The following GPHN variants were observed in gnomAD, a reference collection of about 807,000 sequenced individuals.
The protein encoded by GPHN is gephyrin.
In GPHN, 17 loss-of-function variants were observed where a neutral mutation model predicts 95.5. The ratio of observed to expected loss-of-function variants is 0.18; its 90% CI spans 0.12 to 0.27. The LOEUF is 0.27. Among genes scored for constraint, GPHN ranks in the 10% least tolerant of loss-of-function variants. GPHN has a pLI of 1.00. For missense variants in GPHN, 660 were observed against 978.1 expected (o/e 0.67, Z 4.34); for synonymous variants, 320 against 322.5 (o/e 0.99, Z 0.08).
chr14:67,571,543 T>G, the GPHN span: 1 of 507,136 alleles, frequency 2.0e-6, no homozygotes. Context: ...CCACAGAAGA[T>G]GGTGTGTGGG....
In GPHN at chr14:66,752,510, A is replaced by G. The variant is rs564134386; in HGVS notation, c.144-23954A>G. On this transcript the variant is annotated intron_variant, in intron 2 of 22. Coordinates refer to ENST00000478722, the MANE Select transcript of GPHN (RefSeq NM_020806.5). ...ACCCAAGAAGAGGGAGAGAGACAGG[A>G]AAATGGCCAGCTGGTCGAGCAGTCA... is the stretch of plus-strand genomic sequence containing the variant. Among the ~76,000 whole-genome samples, 163 of 152,218 alleles carry G rather than the reference A, an allele frequency of 1.1e-3. 1 individual carries two copies. Among genetic ancestry groups the G allele is most frequent in the South Asian group, 5.6e-3 (27 of 4,828 alleles).
the GPHN span, among the ~76,000 whole-genome samples, chr14:67,594,981 C>A: frequency 6.6e-6 from 1 of 151,648 alleles, no homozygotes; most frequent in Non-Finnish European, 1.5e-5. Flanking sequence ...ACTAAAAATA[C>A]TAAAAGTTAG....
intron 9 of GPHN, among the ~76,000 whole-genome samples, chr14:66,976,811 A>G (rs2070260576): frequency 1.3e-5 from 2 of 151,594 alleles, no homozygotes; most frequent in Admixed American, 1.3e-4. Context: ...AGGGTTGACA[A>G]CCTCAAAGAG....
intron 8 of GPHN, among the ~76,000 whole-genome samples, chr14:66,930,525 GTTT>G (rs59312092): frequency 3.8e-5 from 5 of 130,840 alleles, no homozygotes; most frequent in African/African-American, 8.6e-5. Context: ...AAAGTTGTAG[GTTT>G]TTTTTTTTTT....
chr14:66,659,767 C>T (rs1403884408), intron 1 of GPHN, among the ~76,000 whole-genome samples: 1 of 151,914 alleles, frequency 6.6e-6, no homozygotes. Context: ...CTTGGTAGAT[C>T]TTTTTCCATG....
intron 2 of GPHN, among the ~76,000 whole-genome samples, chr14:66,747,120 C>T (rs2058182297): frequency 6.6e-6 from 1 of 152,278 alleles, no homozygotes; most frequent in East Asian, 1.9e-4. Flanking sequence ...AAATGTTAAA[C>T]TCAACATTGG....
the GPHN span, among the ~76,000 whole-genome samples, chr14:67,202,238 C>T: frequency 2.6e-5 from 4 of 152,138 alleles, no homozygotes; most frequent in East Asian, 1.9e-4. Context: ...GTCAGGAGTT[C>T]GAGACCAGCC....
the GPHN span, among the ~76,000 whole-genome samples, chr14:67,344,590 G>A: frequency 6.6e-6 from 1 of 152,132 alleles, no homozygotes; most frequent in African/African-American, 2.4e-5. Context: ...AGCAAAGAGT[G>A]AAACTGGGCT....
At chr14:66,768,188 A>G (rs555787432) in intron 2 of GPHN, among the ~76,000 whole-genome samples, 3 of 152,048 alleles carry the variant, frequency 2.0e-5, no homozygotes, top group South Asian at 4.1e-4. Context: ...CAGAGTTGGT[A>G]TATATGGAGA....
At chr14:67,409,245 C>G in the GPHN span, among the ~76,000 whole-genome samples, 1 of 151,358 alleles carries the variant, frequency 6.6e-6, no homozygotes, top group Non-Finnish European at 1.5e-5. Context: ...CCTCTCTAAA[C>G]AAAATAAATA....
the GPHN span, among the ~76,000 whole-genome samples, chr14:67,717,555 A>G: frequency 2.0e-5 from 3 of 152,352 alleles, no homozygotes; most frequent in East Asian, 5.8e-4. Context: ...TACATACACC[A>G]GGGTTATCCT....
chr14:66,817,937 G>A (rs1000622217), intron 3 of GPHN, among the ~76,000 whole-genome samples: 2 of 152,122 alleles, frequency 1.3e-5, no homozygotes, highest in Non-Finnish European at 2.9e-5. Context: ...TGTAGAAATA[G>A]ACCCCACCTC....
intron 8 of GPHN, among the ~76,000 whole-genome samples, chr14:66,959,603 G>A (rs60656960): frequency 0.15 from 22,228 of 151,922 alleles, 3,092 homozygotes; most frequent in East Asian, 0.42. Flanking sequence ...ACTGCTTTCT[G>A]ACTGTCATGG....
At chr14:67,473,479 C>T in the GPHN span, 1 of 1,614,120 alleles carries the variant, frequency 6.2e-7, no homozygotes, top group Non-Finnish European at 8.5e-7. The surrounding 1 kb of genome is among the most constrained non-coding windows in gnomAD (Gnocchi z 6.5). Flanking sequence ...TCCCCGGGCT[C>T]AGCGTCCTTG....
the GPHN span, among the ~76,000 whole-genome samples, chr14:67,412,356 T>G: frequency 6.6e-6 from 1 of 152,230 alleles, no homozygotes; most frequent in Non-Finnish European, 1.5e-5. Flanking sequence ...CGCCCCTCAC[T>G]GTTCCAGTCT....
At chr14:66,929,241 A>AG (rs1252012088) in intron 8 of GPHN, among the ~76,000 whole-genome samples, 2 of 151,678 alleles carry the variant, frequency 1.3e-5, no homozygotes, top group Non-Finnish European at 2.9e-5. Flanking sequence ...TTTAGTAGAG[A>AG]GGGGGTTTCA....
At chr14:66,962,063 A>G (rs1339378204) in intron 8 of GPHN, among the ~76,000 whole-genome samples, 1 of 149,732 alleles carries the variant, frequency 6.7e-6, no homozygotes, top group Non-Finnish European at 1.5e-5. Flanking sequence ...CAACAGAGTA[A>G]TCTATATTCA....
At chr14:67,567,101 A>G in the GPHN span, among the ~76,000 whole-genome samples, 2 of 152,138 alleles carry the variant, frequency 1.3e-5, no homozygotes, top group African/African-American at 4.8e-5. Flanking sequence ...ACAAGACACA[A>G]TGCTAGCTCC....
chr14:67,412,580 AG>A, the GPHN span, among the ~76,000 whole-genome samples: 1 of 152,152 alleles, frequency 6.6e-6, no homozygotes, highest in African/African-American at 2.4e-5. Context: ...TCTCAGTAAC[AG>A]GAAGGTCACA....
Sources: allele counts gnomAD v4.1 joint callset (sites outside exome capture counted in the v4.1 genomes callset), GRCh38; gene constraint gnomAD v4.1.1; non-coding constraint Gnocchi (gnomAD v3.1); transcripts MANE v1.5; gene names NCBI Gene and HGNC (gene_info 2026-07-23, HGNC 2026-07-21).